Variants in CPQ observed in about 807,000 individuals in gnomAD.
CPQ encodes carboxypeptidase Q, also known as Ser-Met dipeptidase.
A neutral mutation model predicts 45.7 loss-of-function variants in CPQ; 37 were observed. The observed-to-expected ratio is 0.81, with a 90% CI of 0.62 to 1.07. The LOEUF is 1.07. CPQ is among the 50% of genes least tolerant of loss of function. CPQ has a pLI of 0.00. For synonymous variants in CPQ, 186 were observed against 205.8 expected, an observed-to-expected ratio of 0.90 and a Z score of 0.82; for missense variants, 537 against 572.9, an observed-to-expected ratio of 0.94 and a Z score of 0.64.
intron 2 of CPQ, among the ~76,000 whole-genome samples, chr8:96,832,443 C>G (rs1811471418): frequency 6.6e-6 from 1 of 152,170 alleles, no homozygotes; most frequent in South Asian, 2.1e-4. Flanking sequence ...TGCTTAATGA[C>G]CAACTGGCTA....
At chr8:97,089,516 A>G (rs1811097913) in intron 7 of CPQ, among the ~76,000 whole-genome samples, 1 of 152,092 alleles carries the variant, frequency 6.6e-6, no homozygotes, top group South Asian at 2.1e-4. Context: ...TTAGTACAGG[A>G]ATCCCCCCAT....
chr8:97,021,363 T>G (rs529415200), intron 5 of CPQ, among the ~76,000 whole-genome samples: 2 of 152,158 alleles, frequency 1.3e-5, no homozygotes, highest in Non-Finnish European at 2.9e-5. Context: ...GAACTGGAAG[T>G]CCTAGCCAGA....
intron 7 of CPQ, among the ~76,000 whole-genome samples, chr8:97,138,791 T>C (rs978284561): frequency 1.3e-5 from 2 of 152,120 alleles, no homozygotes; most frequent in African/African-American, 2.4e-5. Context: ...CTTTATAAGA[T>C]ATTGATTAAC....
At chr8:96,742,159 C>T (rs1810101923) in intron 1 of CPQ, among the ~76,000 whole-genome samples, 3 of 150,460 alleles carry the variant, frequency 2.0e-5, no homozygotes, top group Admixed American at 2.0e-4. Context: ...CTGGGTGCTC[C>T]TGTATTGGGT....
intron 1 of CPQ, among the ~76,000 whole-genome samples, chr8:96,656,139 C>T (rs1197030079): frequency 1.3e-5 from 2 of 152,210 alleles, no homozygotes; most frequent in African/African-American, 4.8e-5. Flanking sequence ...CAGGCATAAG[C>T]CACTGCATCC....
chr8:97,115,236 C>T (rs1371182420), intron 7 of CPQ, among the ~76,000 whole-genome samples: 1 of 152,166 alleles, frequency 6.6e-6, no homozygotes, highest in Non-Finnish European at 1.5e-5. Flanking sequence ...GTATACAGTG[C>T]ATGACAGAAT....
In CPQ at chr8:96,926,576, C is replaced by CTCTTCCTCTTCTTCTTCTTCT. The variant is rs1445697100; in HGVS notation, c.850-39354_850-39353insCTCTTCTTCTTCTTCTTCTTC. On this transcript the variant is annotated intron_variant, in intron 4 of 7. Coordinates refer to ENST00000220763, the MANE Select transcript of CPQ (RefSeq NM_016134.4). ...CCTCTTCCTCTTCCTCTTCCTCTTC[C>CTCTTCCTCTTCTTCTTCTTCT]TCTTCTTCTTCTTCTTCTTCTTCTT... 5.6e-3 allele frequency among the ~76,000 whole-genome samples: 417 copies of CTCTTCCTCTTCTTCTTCTTCT among 74,962 alleles called. 7 individuals are homozygous for CTCTTCCTCTTCTTCTTCTTCT. The highest frequency in any genetic ancestry group is 0.017 in the African/African-American group (211 of 12,214). The allele number at this position is 74,962 out of a possible 152,430, so 49.2% of individuals were successfully genotyped here.
chr8:96,763,416 C>T (rs993583739), intron 1 of CPQ, among the ~76,000 whole-genome samples: 1 of 152,134 alleles, frequency 6.6e-6, no homozygotes, highest in Non-Finnish European at 1.5e-5. Context: ...GGGTTGATTT[C>T]TGCACTCCCT....
At chr8:96,723,556 A>C (rs1809794944) in intron 1 of CPQ, among the ~76,000 whole-genome samples, 1 of 152,102 alleles carries the variant, frequency 6.6e-6, no homozygotes, top group Non-Finnish European at 1.5e-5. Flanking sequence ...CTGTCTACTC[A>C]ATCTCTCTTT....
chr8:96,860,063 A>C (rs1335396466), intron 3 of CPQ, among the ~76,000 whole-genome samples: 1 of 152,264 alleles, frequency 6.6e-6, no homozygotes, highest in African/African-American at 2.4e-5. Flanking sequence ...AGTACCAAAC[A>C]GTTCTACTAG....
intron 4 of CPQ, among the ~76,000 whole-genome samples, chr8:96,922,635 A>G (rs1400634370): frequency 1.3e-5 from 2 of 152,212 alleles, no homozygotes; most frequent in East Asian, 3.8e-4. Flanking sequence ...TTTGTTTGAA[A>G]GGAGTAAATG....
chr8:97,042,851 C>T (rs1294880930), intron 6 of CPQ, among the ~76,000 whole-genome samples: 6 of 152,094 alleles, frequency 3.9e-5, no homozygotes, highest in African/African-American at 9.7e-5. Flanking sequence ...GTCTGAGAGA[C>T]AGTTTGTTAT....
intron 1 of CPQ, among the ~76,000 whole-genome samples, chr8:96,756,937 T>A (rs1810333996): frequency 6.6e-6 from 1 of 152,184 alleles, no homozygotes; most frequent in Admixed American, 6.5e-5. Flanking sequence ...TTCAAGTGAT[T>A]TTTTTTCCAT....
intron 5 of CPQ, among the ~76,000 whole-genome samples, chr8:97,001,701 TTTTC>T (rs1324669582): frequency 7.3e-5 from 11 of 149,770 alleles, no homozygotes; most frequent in Non-Finnish European, 1.0e-4. Flanking sequence ...TGGCCTGAAG[TTTTC>T]TTTCTTTCTT....
intron 4 of CPQ, among the ~76,000 whole-genome samples, chr8:96,894,884 A>C (rs1164453278): frequency 6.6e-6 from 1 of 152,214 alleles, no homozygotes; most frequent in East Asian, 1.9e-4. Context: ...CACTGCACCA[A>C]TTCTGTTACA....
intron 2 of CPQ, among the ~76,000 whole-genome samples, chr8:96,816,383 C>G (rs1244677169): frequency 2.0e-5 from 3 of 152,110 alleles, no homozygotes; most frequent in Non-Finnish European, 4.4e-5. Context: ...ACTTCTAATT[C>G]TAGTTCTTTT....
intron 7 of CPQ, among the ~76,000 whole-genome samples, chr8:97,099,561 T>C (rs1811269323): frequency 6.6e-6 from 1 of 152,002 alleles, no homozygotes; most frequent in Non-Finnish European, 1.5e-5. Flanking sequence ...TTTTTTTTTT[T>C]TCTGACTACG....
chr8:96,992,838 A>C (rs1456618933), intron 5 of CPQ, among the ~76,000 whole-genome samples: 3 of 152,218 alleles, frequency 2.0e-5, no homozygotes, highest in African/African-American at 7.2e-5. Flanking sequence ...GCTTCCTCTC[A>C]ATTCATATCC....
chr8:96,904,253 T>G (rs1370420443), intron 4 of CPQ, among the ~76,000 whole-genome samples: 1 of 152,208 alleles, frequency 6.6e-6, no homozygotes, highest in African/African-American at 2.4e-5. Context: ...ACCCGAGTTA[T>G]GTGTTCATGA....
Sources: gnomAD v4.1 joint callset for allele counts (sites outside exome capture counted in the v4.1 genomes callset) on GRCh38, gnomAD v4.1.1 for gene constraint, MANE v1.5 for transcripts, NCBI Gene and HGNC (gene_info 2026-07-23, HGNC 2026-07-21) for gene names.